Variants in FOCAD observed in about 807,000 individuals in gnomAD.
FOCAD encodes the protein focadhesin, also known as KIAA1797.
In FOCAD, 198 loss-of-function variants were observed where a neutral mutation model predicts 225.6. That is an observed-to-expected ratio of 0.88 (90% CI 0.78 to 0.99). The LOEUF is 0.99. Among genes scored for constraint, FOCAD ranks in the 50% least tolerant of loss-of-function variants. The pLI is 0.00. For synonymous variants in FOCAD, 897 were observed against 755.0 expected, an observed-to-expected ratio of 1.19 and a Z score of -3.08; for missense variants, 2,713 against 2,123.6, an observed-to-expected ratio of 1.28 and a Z score of -5.46.
intron 35 of FOCAD, among the ~76,000 whole-genome samples, chr9:20,973,429 A>AT (rs1211749340): frequency 1.5e-5 from 2 of 132,376 alleles, no homozygotes; most frequent in African/African-American, 5.8e-5. Context: ...CACTTTTAGC[A>AT]TCTGCTAATT....
intron 5 of FOCAD, among the ~76,000 whole-genome samples, chr9:20,756,267 AAGTT>A (rs529801307): frequency 6.5e-4 from 99 of 152,244 alleles, no homozygotes; most frequent in Middle Eastern, 3.4e-3. Context: ...CCAGCATGTG[AAGTT>A]AGTTAGTACA....
chr9:20,675,614 A>C (rs1822208929), intron 2 of FOCAD, among the ~76,000 whole-genome samples: 2 of 152,232 alleles, frequency 1.3e-5, no homozygotes, highest in Non-Finnish European at 2.9e-5. Context: ...GTTGAAACCA[A>C]AGTAATTTTC....
At chr9:20,909,298 G>A (rs1462235789) in intron 22 of FOCAD, among the ~76,000 whole-genome samples, 1 of 151,908 alleles carries the variant, frequency 6.6e-6, no homozygotes, top group Non-Finnish European at 1.5e-5. Flanking sequence ...GGGAAAGCAG[G>A]GTTAGCTAGG....
intron 11 of FOCAD, among the ~76,000 whole-genome samples, chr9:20,807,366 T>G (rs997240464): frequency 6.6e-6 from 1 of 152,158 alleles, no homozygotes; most frequent in African/African-American, 2.4e-5. Flanking sequence ...AACATTTAGA[T>G]GCAAAAAGGA....
Position 20,814,283 on chromosome 9 carries a change from C to A in FOCAD, c.1456-5513C>A, listed in dbSNP as rs114264345. 2.2e-3 allele frequency among the ~76,000 whole-genome samples: 328 copies of A among 151,980 alleles called. 1 individual carries two copies. Among genetic ancestry groups the A allele is most frequent in the African/African-American group, 7.3e-3 (304 of 41,480 alleles). ...TTTTGGTCCCTTGTTTCTTCTCTTG[C>A]TGTCTTCTTTTATGTTTCATTGATT... On this transcript the variant is annotated intron_variant, in intron 11 of 43. Coordinates refer to ENST00000338382, the MANE Select transcript of FOCAD (RefSeq NM_001375567.1).
intron 18 of FOCAD, among the ~76,000 whole-genome samples, chr9:20,870,231 A>G (rs1829642765): frequency 6.6e-6 from 1 of 152,218 alleles, no homozygotes; most frequent in African/African-American, 2.4e-5. Flanking sequence ...GTTGGTATAA[A>G]TATGGTGTAA....
Position 20,667,692 on chromosome 9 carries a change from A to G in FOCAD, c.-78+8866A>G, listed in dbSNP as rs552730075. ...GTTGACACCTGAAGACCTTTCTGAC[A>G]TGGTCACTATTGTGACAGGAATAAT... is the stretch of plus-strand genomic sequence containing the variant. On this transcript the variant is annotated intron_variant, in intron 2 of 45. Transcript: ENST00000380249. 1.6e-4 allele frequency among the ~76,000 whole-genome samples: 25 copies of G among 152,294 alleles called. No individual in the cohort carries two copies. In the South Asian group the frequency reaches 5.2e-3, roughly 32 times the overall value.
chr9:20,805,805 C>A (rs1345403448), intron 11 of FOCAD, among the ~76,000 whole-genome samples: 1 of 152,116 alleles, frequency 6.6e-6, no homozygotes, highest in Non-Finnish European at 1.5e-5. Flanking sequence ...AAGAATAATA[C>A]ATAGATATTT....
chr9:20,958,175 A>G (rs1838374597), intron 35 of FOCAD, among the ~76,000 whole-genome samples: 1 of 152,148 alleles, frequency 6.6e-6, no homozygotes, highest in African/African-American at 2.4e-5. Context: ...GAGTCACTTT[A>G]TGTAACAGTA....
At chr9:20,938,573 C>CGTGA (rs1554731268) in intron 28 of FOCAD, among the ~76,000 whole-genome samples, 2 of 141,682 alleles carry the variant, frequency 1.4e-5, no homozygotes, top group South Asian at 2.4e-4. Context: ...ACACGGGGGC[C>CGTGA]TGTTGTGGGG....
intron 11 of FOCAD, among the ~76,000 whole-genome samples, chr9:20,806,103 G>A (rs148742090): frequency 9.0e-4 from 137 of 152,250 alleles, no homozygotes; most frequent in African/African-American, 3.1e-3. Context: ...CTCTTGCCAT[G>A]TCATTTACTC....
chr9:20,721,560 G>T (rs898706367), intron 4 of FOCAD, among the ~76,000 whole-genome samples: 4 of 151,916 alleles, frequency 2.6e-5, no homozygotes, highest in African/African-American at 9.7e-5. Context: ...AAATTAGCTG[G>T]GCGTGGTGAT....
At chr9:20,690,828 G>A (rs1341391328) in intron 1 of FOCAD, among the ~76,000 whole-genome samples, 2 of 151,906 alleles carry the variant, frequency 1.3e-5, no homozygotes, top group Non-Finnish European at 2.9e-5. Flanking sequence ...TATAGGCGGA[G>A]GCACCATGCC....
At chr9:20,720,254 GCAT>G in intron 3 of FOCAD, 123 bp from the exon 4 acceptor site, 1 of 897,918 alleles carries the variant, frequency 1.1e-6, no homozygotes, top group Non-Finnish European at 1.7e-6. Flanking sequence ...AGTGACAACA[GCAT>G]CATCTTTATA....
intron 21 of FOCAD, among the ~76,000 whole-genome samples, chr9:20,889,994 T>C (rs1439563247): frequency 6.6e-6 from 1 of 152,174 alleles, no homozygotes; most frequent in Non-Finnish European, 1.5e-5. Flanking sequence ...TTTATTTTAA[T>C]TTTTTACTGT....
chr9:20,957,709 G>A (rs1287699457), intron 35 of FOCAD: 2 of 77,934 alleles, frequency 2.6e-5, no homozygotes, highest in Non-Finnish European at 5.1e-5. Context: ...TTTTTAGTGG[G>A]GTTTTTCTAT....
chr9:20,708,533 CT>C (rs1824572165), intron 1 of FOCAD, among the ~76,000 whole-genome samples: 1 of 152,038 alleles, frequency 6.6e-6, no homozygotes, highest in Admixed American at 6.6e-5. Flanking sequence ...CTTTGGGAGG[CT>C]GAGGGTGGGA....
At chr9:20,969,733 A>T (rs570374924) in intron 35 of FOCAD, among the ~76,000 whole-genome samples, 9 of 140,572 alleles carry the variant, frequency 6.4e-5, no homozygotes, top group African/African-American at 2.3e-4. Flanking sequence ...TAGATATATA[A>T]CAAAAATATA....
At chr9:20,823,658 T>G (rs570652467) in intron 15 of FOCAD, among the ~76,000 whole-genome samples, 5 of 152,212 alleles carry the variant, frequency 3.3e-5, no homozygotes, top group African/African-American at 1.2e-4. Context: ...GAGAAATGTT[T>G]TAGAGAAATG....
Sources: gnomAD v4.1 joint callset for allele counts (sites outside exome capture counted in the v4.1 genomes callset) on GRCh38, gnomAD v4.1.1 for gene constraint, MANE v1.5 for transcripts, NCBI Gene and HGNC (gene_info 2026-07-23, HGNC 2026-07-21) for gene names.